DISC1: variants seen among roughly 807,000 people sequenced by gnomAD.
The protein encoded by DISC1 is DISC1 scaffold protein.
DISC1 carries 57 observed loss-of-function variants against 84.5 expected under a neutral mutation model. That is an observed-to-expected ratio of 0.67 (90% CI 0.55 to 0.84). DISC1 has a LOEUF of 0.84. Among genes scored for constraint, DISC1 ranks in the 40% least tolerant of loss-of-function variants. The probability of loss-of-function intolerance (pLI) is 0.00; values close to 1 mark genes in which losing one functional copy is unlikely to be tolerated. For missense variants in DISC1, 1,000 were observed against 1,057.8 expected (o/e 0.95, Z 0.76); for synonymous variants, 411 against 415.2 (o/e 0.99, Z 0.12).
At chr1:231,895,831 G>A (rs11585831) in intron 9 of DISC1, among the ~76,000 whole-genome samples, 5,112 of 152,152 alleles carry the variant, frequency 0.034, 110 homozygotes, top group Non-Finnish European at 0.054. Flanking sequence ...CTCAGAACCG[G>A]TTTTCGCCCT....
intron 9 of DISC1, among the ~76,000 whole-genome samples, chr1:231,951,704 G>A (rs538471386): frequency 2.6e-5 from 4 of 152,192 alleles, no homozygotes; most frequent in African/African-American, 4.8e-5. Flanking sequence ...TTAAGCCCAC[G>A]GGCAGCGTGA....
chr1:231,944,483 C>G (rs527568761), intron 9 of DISC1, among the ~76,000 whole-genome samples: 1 of 152,302 alleles, frequency 6.6e-6, no homozygotes, highest in East Asian at 1.9e-4. Context: ...TGTGGGTTGG[C>G]TGGGGCATTT....
chr1:231,978,202 G>T (rs116672456), intron 10 of DISC1, among the ~76,000 whole-genome samples: 1 of 152,026 alleles, frequency 6.6e-6, no homozygotes, highest in Admixed American at 6.6e-5. Flanking sequence ...TGTACCACAC[G>T]GGGAAGCCAA....
Position 231,958,833 on chromosome 1 carries a change from A to G in DISC1, c.1987A>G (p.Ser663Gly), listed in dbSNP as rs780782871. The part of the protein sequence containing the change: ...VEHQETAYET[S>G]VKENTMKYME... Reference sequence around the variant, plus strand: ...ATTTCCTTTTTTTCCCCCAGAAACAAGTGTGAAGGAAAATACTATGAAGTA... The same window carrying G: ...ATTTCCTTTTTTTCCCCCAGAAACAGGTGTGAAGGAAAATACTATGAAGTA... Residue 663 changes from serine to glycine, a missense_variant, in exon 10 of 13, where the codon AGT becomes GGT. By Grantham distance (56) the Ser-to-Gly change is moderately conservative. Around this residue, in one of 3 missense-constraint regions of DISC1, gnomAD observed 397 missense variants for 377.5 expected, o/e 1.05. Transcript: ENST00000439617. 2.5e-6 allele frequency: 4 copies of G among 1,613,740 alleles called. No individual in the cohort carries two copies. The highest frequency in any genetic ancestry group is 3.4e-6 in the Non-Finnish European group (4 of 1,179,784).
chr1:231,809,359 T>C (rs2080049259), intron 8 of DISC1, among the ~76,000 whole-genome samples: 1 of 152,190 alleles, frequency 6.6e-6, no homozygotes, highest in South Asian at 2.1e-4. Context: ...ATCTGCCTGG[T>C]TCTTAGATTG....
intron 1 of DISC1, among the ~76,000 whole-genome samples, chr1:231,663,271 A>C (rs2061711873): frequency 1.3e-5 from 2 of 152,264 alleles, no homozygotes; most frequent in African/African-American, 4.8e-5. Flanking sequence ...AGATACAACA[A>C]TTCAAAACAT....
At chr1:231,896,283 G>A (rs539840242) in intron 9 of DISC1, among the ~76,000 whole-genome samples, 10 of 152,198 alleles carry the variant, frequency 6.6e-5, no homozygotes, top group South Asian at 2.1e-4. Context: ...CTTGGGGTCC[G>A]GGGCAGGCTT....
chr1:231,784,618 C>T (rs375264752), intron 6 of DISC1, among the ~76,000 whole-genome samples: 7 of 152,282 alleles, frequency 4.6e-5, no homozygotes, highest in African/African-American at 1.2e-4. Context: ...TTACTATAAT[C>T]CAGGTATGGT....
intron 9 of DISC1, among the ~76,000 whole-genome samples, chr1:231,820,429 A>G (rs925726354): frequency 6.6e-6 from 1 of 152,230 alleles, no homozygotes; most frequent in Non-Finnish European, 1.5e-5. Flanking sequence ...ACACATATGC[A>G]TGCATGTACC....
chr1:231,998,204 C>T (rs821658), intron 10 of DISC1, among the ~76,000 whole-genome samples: 46,902 of 151,876 alleles, frequency 0.31, 7,772 homozygotes, highest in African/African-American at 0.42. Context: ...TCAGAGGACA[C>T]CAGCAATAGT....
chr1:231,944,664 A>G (rs1398327061), intron 9 of DISC1, among the ~76,000 whole-genome samples: 2 of 152,246 alleles, frequency 1.3e-5, no homozygotes, highest in Admixed American at 6.5e-5. Context: ...TTCCTTCCAC[A>G]TACCCTTAAC....
intron 1 of DISC1, among the ~76,000 whole-genome samples, chr1:231,690,240 G>C (rs1320307475): frequency 6.6e-6 from 1 of 152,210 alleles, no homozygotes; most frequent in African/African-American, 2.4e-5. Flanking sequence ...CTGTGCTTCA[G>C]AGAGGAAGTA....
At chr1:232,004,997 T>TTTCCTTCC (rs1175005426) in intron 10 of DISC1, among the ~76,000 whole-genome samples, 1 of 97,662 alleles carries the variant, frequency 1.0e-5, no homozygotes, top group Non-Finnish European at 2.0e-5. Context: ...TCTTCTCTTC[T>TTTCCTTCC]TTCCTTCCTT....
chr1:231,652,019 G>C (rs2060667606), intron 1 of DISC1, among the ~76,000 whole-genome samples: 1 of 152,206 alleles, frequency 6.6e-6, no homozygotes, highest in Non-Finnish European at 1.5e-5. Context: ...CTAGGAAAGG[G>C]AAATCCCCTG....
At chr1:231,734,858 T>C (rs1193992101) in intron 3 of DISC1, among the ~76,000 whole-genome samples, 3 of 152,196 alleles carry the variant, frequency 2.0e-5, no homozygotes, top group South Asian at 2.1e-4. Context: ...TTTCCACACA[T>C]TGGGCAAGCT....
At chr1:231,741,821 G>A (rs1192113782) in intron 3 of DISC1, among the ~76,000 whole-genome samples, 1 of 152,172 alleles carries the variant, frequency 6.6e-6, no homozygotes, top group African/African-American at 2.4e-5. Flanking sequence ...CCCTATGTCC[G>A]ATCTGTCAGA....
intron 11 of DISC1, among the ~76,000 whole-genome samples, chr1:232,014,591 C>T (rs1379608488): frequency 1.3e-5 from 2 of 152,290 alleles, no homozygotes; most frequent in African/African-American, 2.4e-5. Flanking sequence ...ATGATGCATG[C>T]GTATTTTAAA....
chr1:231,734,314 A>C (rs1024034836), intron 3 of DISC1, among the ~76,000 whole-genome samples: 1 of 152,190 alleles, frequency 6.6e-6, no homozygotes, highest in African/African-American at 2.4e-5. Context: ...TTGGTGAAAG[A>C]ACACTTTATT....
At chr1:231,983,623 G>T (rs1353023620) in intron 10 of DISC1, among the ~76,000 whole-genome samples, 1 of 119,844 alleles carries the variant, frequency 8.3e-6, no homozygotes, top group Non-Finnish European at 1.8e-5. Flanking sequence ...TGGGGGGTTG[G>T]GGGGAAGGGT....
Sources: gnomAD v4.1 joint callset for allele counts (sites outside exome capture counted in the v4.1 genomes callset) on GRCh38, gnomAD v4.1.1 for gene constraint, gnomAD v4.1.1 regional missense constraint, MANE v1.5 for transcripts, NCBI Gene and HGNC (gene_info 2026-07-23, HGNC 2026-07-21) for gene names.